The following C3orf20 variants were observed in gnomAD, a reference collection of about 807,000 sequenced individuals.
C3orf20 encodes the protein family with sequence similarity 149 member C, also known as uncharacterized protein C3orf20.
In C3orf20, 76 loss-of-function variants were observed where a neutral mutation model predicts 88.3. The observed-to-expected ratio is 0.86, with a 90% CI of 0.72 to 1.04. The LOEUF is 1.04. Ranked by LOEUF, C3orf20 falls within the 50% of genes least tolerant of loss-of-function variation. The probability of loss-of-function intolerance (pLI) is 0.00; values close to 1 mark genes in which losing one functional copy is unlikely to be tolerated. For synonymous variants in C3orf20, 436 were observed against 437.4 expected (o/e 1.00, Z 0.04); for missense variants, 1,056 against 1,123.3 (o/e 0.94, Z 0.86).
At chr3:14,759,750 C>T (rs910344935) in intron 13 of C3orf20, 141 bp from the exon 14 acceptor site, 2 of 681,648 alleles carry the variant, frequency 2.9e-6, no homozygotes, top group Non-Finnish European at 5.3e-6. Flanking sequence ...CCCAAGGGCC[C>T]CTGGAGCAGG....
chr3:14,771,150 AG>A (rs2035849644), intron 15 of C3orf20, among the ~76,000 whole-genome samples: 1 of 152,232 alleles, frequency 6.6e-6, no homozygotes, highest in Non-Finnish European at 1.5e-5. Context: ...AGGCTCCAGA[AG>A]GACCCTCGCC....
In C3orf20 at chr3:14,768,803, C is replaced by T. The variant is rs1196204826; in HGVS notation, c.2496-3264C>T. On this transcript the variant is annotated intron_variant, in intron 15 of 16. Transcript: ENST00000253697. This position sits in a 1 kb window ranked among gnomAD's most constrained non-coding sequence, Gnocchi z 4.1. ...TTCTTGTGGATGCTTTTCCTTTTCA[C>T]TGTGGTGAGTACAAAGGCTTTGAAA... Among the ~76,000 whole-genome samples the T allele has an allele frequency of 2.0e-5, 3 of 152,066 alleles. No homozygotes were observed. The highest frequency in any genetic ancestry group is 7.3e-5 in the African/African-American group (3 of 41,346).
intron 7 of C3orf20, among the ~76,000 whole-genome samples, chr3:14,712,182 G>GCA (rs1198777411): frequency 0.022 from 494 of 22,450 alleles, 3 homozygotes; most frequent in East Asian, 0.22. Context: ...ACGCGCGCGC[G>GCA]CACACACACA....
In C3orf20 at chr3:14,721,762, A is replaced by G. The variant is rs1559420296; in HGVS notation, c.1544A>G (p.His515Arg). ...TLTVSANNCP[H>R]GMAYDKRLNR... Reference sequence around the variant, plus strand: ...ACTGTGTCGGCCAACAATTGTCCCCATGGAATGGCATATGACAAACGGGTA... The same window carrying G: ...ACTGTGTCGGCCAACAATTGTCCCCGTGGAATGGCATATGACAAACGGGTA... Residue 515 changes from histidine (H) to arginine (R), a missense_variant, in exon 10 of 17, where the codon CAT (histidine) becomes CGT (arginine). Transcript: ENST00000253697. 5.0e-6 allele frequency: 8 copies of G among 1,614,198 alleles called. No homozygotes were observed. Among genetic ancestry groups the G allele is most frequent in the Non-Finnish European group, 6.8e-6 (8 of 1,180,034 alleles).
intron 9 of C3orf20, among the ~76,000 whole-genome samples, chr3:14,720,121 C>T (rs2034098683): frequency 6.6e-6 from 1 of 152,136 alleles, no homozygotes; most frequent in African/African-American, 2.4e-5. Context: ...GCTCTGCCTC[C>T]CGGGTTCATG....
chr3:14,728,148 G>C lies in C3orf20; in HGVS notation c.1691-291G>C, dbSNP rs566217046. On this transcript the variant is annotated intron_variant, in intron 11 of 16. Transcript: ENST00000253697. ...ATTGTGTAGCTAGCCTCTACATTTG[G>C]TGCTGGCGAGGACACAGGCTGAATG... is the stretch of plus-strand genomic sequence containing the variant. 2.6e-5 allele frequency among the ~76,000 whole-genome samples: 4 copies of C among 152,340 alleles called. No individual in the cohort carries two copies. In the East Asian group the frequency reaches 5.8e-4, roughly 22 times the overall value.
At chr3:14,687,098 C>G (rs1323960054) in intron 4 of C3orf20, among the ~76,000 whole-genome samples, 1 of 152,160 alleles carries the variant, frequency 6.6e-6, no homozygotes, top group Non-Finnish European at 1.5e-5. Context: ...AATACAGGAT[C>G]ATGACTCCAT....
At chr3:14,715,486 T>A in intron 9 of C3orf20, 77 bp downstream of exon 9, 1 of 1,497,168 alleles carries the variant, frequency 6.7e-7, no homozygotes, top group Non-Finnish European at 9.0e-7. Flanking sequence ...TGCCATGCAC[T>A]GCCTAGCATT....
chr3:14,679,445 T>C (rs758716568), intron 1 of C3orf20, among the ~76,000 whole-genome samples: 16 of 152,178 alleles, frequency 1.1e-4, no homozygotes, highest in Non-Finnish European at 1.9e-4. Flanking sequence ...TTCATTTGCA[T>C]GTGGAAAAAG....
At chr3:14,722,716 C>G (rs2034210252) in intron 10 of C3orf20, 1 of 387,944 alleles carries the variant, frequency 2.6e-6, no homozygotes, top group Non-Finnish European at 5.1e-6. Flanking sequence ...AGCATGAGGA[C>G]TACTTCAAAT....
In C3orf20 at chr3:14,714,126, G is replaced by T; in HGVS notation, c.1280G>T (p.Gly427Val). Reference sequence around the variant, plus strand: ...TTGCTGGCCCTATTCAATACTGAAGGCCAGGGCTGTGTTCACTACAACCTA... The same window carrying T: ...TTGCTGGCCCTATTCAATACTGAAGTCCAGGGCTGTGTTCACTACAACCTA... ...FSLLALFNTE[G>V]QGCVHYNLKT... The change falls in exon 8 of 17, where the codon GGC becomes GTC. Residue 427 changes from glycine to valine, a missense_variant. Gly to Val is a moderately radical substitution (Grantham distance 109). Transcript: ENST00000253697. 6.2e-7 allele frequency: 1 copy of T among 1,614,022 alleles called. No individual in the cohort carries two copies. Among genetic ancestry groups the T allele is most frequent in the Non-Finnish European group, 8.5e-7 (1 of 1,180,016 alleles).
rs2033849487 is a variant in C3orf20 at position 14,714,053 on chromosome 3, A to G, written c.1207A>G (p.Arg403Gly). ...VAVCQIPTCC[R>G]GRTITCLFND... ...TGTATGTCAGATCCCCACATGCTGC[A>G]GAGGGAGAACCATCACCTGCCTCTT... The change falls in exon 8 of 17, where the codon AGA becomes GGA. Residue 403 changes from arginine (R) to glycine (G), a missense_variant. Coordinates refer to ENST00000253697, the MANE Select transcript of C3orf20 (RefSeq NM_032137.5). 6.2e-7 allele frequency: 1 copy of G among 1,614,012 alleles called. No individual in the cohort carries two copies. The highest frequency in any genetic ancestry group is 8.5e-7 in the Non-Finnish European group (1 of 1,180,008).
At chr3:14,688,788 CG>C in intron 4 of C3orf20, among the ~76,000 whole-genome samples, 1 of 151,940 alleles carries the variant, frequency 6.6e-6, no homozygotes, top group African/African-American at 2.4e-5. Context: ...TTCCTGTGCT[CG>C]TGTATGTATA....
chr3:14,726,386 AGG>A (rs2034346169), intron 10 of C3orf20, among the ~76,000 whole-genome samples: 3 of 152,318 alleles, frequency 2.0e-5, no homozygotes, highest in South Asian at 2.1e-4. Flanking sequence ...GGAGGGATGA[AGG>A]GGCTCCTGGG....
intron 5 of C3orf20, among the ~76,000 whole-genome samples, chr3:14,695,729 TTTA>T (rs1235990912): frequency 1.3e-5 from 2 of 152,206 alleles, no homozygotes; most frequent in Admixed American, 1.3e-4. Flanking sequence ...AATTGACTTC[TTTA>T]TTATATAGTG....
chr3:14,709,695 A>G (rs1259124161), intron 7 of C3orf20, among the ~76,000 whole-genome samples: 2 of 152,202 alleles, frequency 1.3e-5, no homozygotes, highest in African/African-American at 4.8e-5. Flanking sequence ...GTGTTGAACC[A>G]TACTTGCATT....
Position 14,728,523 on chromosome 3 carries a change from G to C in C3orf20, c.1775G>C (p.Arg592Pro). The change falls in exon 12 of 17, where the codon CGG becomes CCG. Residue 592 changes from arginine (R) to proline (P), a missense_variant. Physicochemically the swap from Arg to Pro is moderately radical, Grantham distance 103. Transcript: ENST00000253697. ...ATGAGATCCAGAACTCATCCCGAGCGGCTCCCCAAGCTAAGTTTATACTCA... is the reference window on the plus strand; with the variant it reads ...ATGAGATCCAGAACTCATCCCGAGCCGCTCCCCAAGCTAAGTTTATACTCA... ...FKMRSRTHPE[R>P]LPKLSLYSGE... The C allele has an allele frequency of 6.2e-7, 1 of 1,614,156 alleles. No individual in the cohort carries two copies. The highest frequency in any genetic ancestry group is 8.5e-7 in the Non-Finnish European group (1 of 1,180,030).
In C3orf20 at chr3:14,726,817, G is replaced by A. The variant is rs966050153; in HGVS notation, c.1567-84G>A. 39 of 1,585,168 alleles carry A rather than the reference G, an allele frequency of 2.5e-5. No individual in the cohort carries two copies. In the Admixed American group the frequency reaches 5.3e-4, roughly 21 times the overall value. ...CAGGCAATAGCACATCCTCTGAACC[G>A]GAGCAAGTCTTAGTTATCCTGGACT... On this transcript the variant is annotated intron_variant, in intron 10 of 16. Coordinates refer to ENST00000253697, the MANE Select transcript of C3orf20 (RefSeq NM_032137.5).
intron 1 of C3orf20, among the ~76,000 whole-genome samples, chr3:14,680,723 G>A (rs917358463): frequency 8.5e-5 from 13 of 152,128 alleles, no homozygotes; most frequent in Admixed American, 8.5e-4. Context: ...CAAAGGAACT[G>A]GTGGCAGGGG....
Sources: allele counts gnomAD v4.1 joint callset (sites outside exome capture counted in the v4.1 genomes callset), GRCh38; gene constraint gnomAD v4.1.1; non-coding constraint Gnocchi (gnomAD v3.1); transcripts MANE v1.5; gene names NCBI Gene and HGNC (gene_info 2026-07-23, HGNC 2026-07-21).